Variants in TTBK2 observed in about 807,000 individuals in gnomAD.
TTBK2 encodes tau-tubulin kinase 2.
A neutral mutation model predicts 110.8 loss-of-function variants in TTBK2; 28 were observed. The observed-to-expected ratio is 0.25, with a 90% CI of 0.19 to 0.35. TTBK2 has a LOEUF of 0.35. Among genes scored for constraint, TTBK2 ranks in the 10% least tolerant of loss-of-function variants. The probability of loss-of-function intolerance (pLI) is 1.00; values close to 1 mark genes in which losing one functional copy is unlikely to be tolerated. For synonymous variants in TTBK2, 532 were observed against 527.3 expected, an observed-to-expected ratio of 1.01 and a Z score of -0.12; for missense variants, 1,369 against 1,500.3, an observed-to-expected ratio of 0.91 and a Z score of 1.45.
intron 10 of TTBK2, among the ~76,000 whole-genome samples, chr15:42,794,138 A>C (rs907827704): frequency 7.9e-5 from 12 of 151,870 alleles, no homozygotes; most frequent in African/African-American, 2.9e-4. Flanking sequence ...AAACAAAATA[A>C]AAGACAAAAG....
At chr15:42,865,922 C>G (rs1459241596) in intron 3 of TTBK2, among the ~76,000 whole-genome samples, 9 of 152,274 alleles carry the variant, frequency 5.9e-5, no homozygotes, top group Non-Finnish European at 4.4e-5. Context: ...TCACTTCAAA[C>G]ATCAATGGTC....
intron 4 of TTBK2, among the ~76,000 whole-genome samples, chr15:42,834,404 T>C (rs1172775922): frequency 6.6e-6 from 1 of 152,184 alleles, no homozygotes; most frequent in African/African-American, 2.4e-5. Context: ...ATCTAGAATT[T>C]GGTCTCTAAA....
chr15:42,796,231 C>CT (rs1187918373), intron 9 of TTBK2, among the ~76,000 whole-genome samples: 1 of 152,148 alleles, frequency 6.6e-6, no homozygotes, highest in Non-Finnish European at 1.5e-5. Flanking sequence ...TGGTGAAACT[C>CT]TATCTCTACT....
chr15:42,916,792 A>G (rs1337914470), intron 1 of TTBK2, among the ~76,000 whole-genome samples: 2 of 152,226 alleles, frequency 1.3e-5, no homozygotes, highest in Non-Finnish European at 2.9e-5. Flanking sequence ...TCATATGGCT[A>G]GAACAAGATG....
intron 8 of TTBK2, among the ~76,000 whole-genome samples, 175 bp from the exon 9 acceptor site, chr15:42,810,914 A>T: frequency 6.6e-6 from 1 of 152,210 alleles, no homozygotes; most frequent in East Asian, 1.9e-4. Context: ...TTAAAGCGGA[A>T]AAAAACTATA....
At chr15:42,812,617 T>C (rs1466182982) in intron 7 of TTBK2, among the ~76,000 whole-genome samples, 1 of 152,048 alleles carries the variant, frequency 6.6e-6, no homozygotes, top group African/African-American at 2.4e-5. Context: ...ATTTATAAAG[T>C]ATATTAATAA....
chr15:42,846,474 G>C (rs1306308725), intron 3 of TTBK2, among the ~76,000 whole-genome samples: 2 of 152,074 alleles, frequency 1.3e-5, no homozygotes, highest in Non-Finnish European at 2.9e-5. Flanking sequence ...GAGCCACCAT[G>C]CCCAGCCTTT....
At chr15:42,808,512 G>T (rs200379810) in intron 9 of TTBK2, among the ~76,000 whole-genome samples, 3 of 143,064 alleles carry the variant, frequency 2.1e-5, no homozygotes, top group East Asian at 2.5e-4. Context: ...GAGGTTTATT[G>T]TTTTTTTTAA....
At chr15:42,843,813 T>TAA (rs1017219806) in intron 3 of TTBK2, among the ~76,000 whole-genome samples, 1 of 146,524 alleles carries the variant, frequency 6.8e-6, no homozygotes, top group Non-Finnish European at 1.5e-5. Context: ...CCCCTACTGA[T>TAA]AACATTGCTA....
chr15:42,812,599 T>C (rs547095856), intron 7 of TTBK2, among the ~76,000 whole-genome samples: 15 of 152,282 alleles, frequency 9.9e-5, no homozygotes, highest in Admixed American at 3.3e-4. Flanking sequence ...CATATGTTCA[T>C]TATTCAAATT....
intron 13 of TTBK2, among the ~76,000 whole-genome samples, chr15:42,773,030 T>G (rs1889745317): frequency 6.6e-6 from 1 of 152,122 alleles, no homozygotes. Flanking sequence ...GGTGCCAACT[T>G]GCTATCCCTG....
At chr15:42,749,511 A>G (rs541544917) in intron 14 of TTBK2, among the ~76,000 whole-genome samples, 1 of 152,350 alleles carries the variant, frequency 6.6e-6, no homozygotes, top group East Asian at 1.9e-4. Context: ...AGCAGTGTGC[A>G]CACAGCTTAC....
rs7171705 is a variant in TTBK2 at position 42,837,633 on chromosome 15, C to A, written c.291+2727G>T. On this transcript the variant is annotated intron_variant, in intron 4 of 14. Transcript: ENST00000267890. The stretch of plus-strand genomic sequence containing the variant: ...GAGATTGTGCCACTGCACTCCTGCC[C>A]GGTGACAGAGTGAGACTCTGTCTCA... Among the ~76,000 whole-genome samples the A allele has an allele frequency of 3.2e-5, 4 of 123,514 alleles. No individual in the cohort carries two copies. The East Asian group carries it at 9.8e-4, about 30-fold the overall frequency. 81.0% of individuals were successfully genotyped at this position (123,514 alleles called of 152,430 possible). A position where few individuals can be genotyped will look rare whatever the true frequency, so the allele number is the denominator to read the frequency against.
chr15:42,862,654 G>A (rs774332953), intron 3 of TTBK2, among the ~76,000 whole-genome samples: 10 of 151,974 alleles, frequency 6.6e-5, no homozygotes, highest in South Asian at 2.1e-4. Context: ...TTTGGGAGGC[G>A]GAAGCAGGCA....
chr15:42,907,446 T>C (rs939792871), intron 1 of TTBK2, among the ~76,000 whole-genome samples: 5 of 152,100 alleles, frequency 3.3e-5, no homozygotes, highest in African/African-American at 1.2e-4. Flanking sequence ...TCCAGATGAA[T>C]GGATAAAGAA....
chr15:42,850,366 T>C (rs1000019825), intron 3 of TTBK2, among the ~76,000 whole-genome samples: 2 of 152,190 alleles, frequency 1.3e-5, no homozygotes, highest in African/African-American at 2.4e-5. Flanking sequence ...GGCTGGGGTA[T>C]ACTGGAAGAA....
intron 5 of TTBK2, among the ~76,000 whole-genome samples, chr15:42,828,651 A>G (rs1352182662): frequency 6.7e-6 from 1 of 149,238 alleles, no homozygotes; most frequent in Middle Eastern, 3.2e-3. Flanking sequence ...TGAATCCAGG[A>G]GGCGGAGATT....
intron 14 of TTBK2, among the ~76,000 whole-genome samples, chr15:42,750,302 G>A (rs902724539): frequency 6.6e-6 from 1 of 151,946 alleles, no homozygotes; most frequent in Non-Finnish European, 1.5e-5. Flanking sequence ...AAAGCTACTA[G>A]ACAAAGACTT....
intron 9 of TTBK2, among the ~76,000 whole-genome samples, chr15:42,797,419 CAGAA>C (rs1332571184): frequency 6.6e-6 from 1 of 152,086 alleles, no homozygotes; most frequent in African/African-American, 2.4e-5. Context: ...CAGCAGGAGG[CAGAA>C]AGATGGAGGA....
Sources: allele counts gnomAD v4.1 joint callset (sites outside exome capture counted in the v4.1 genomes callset), GRCh38; gene constraint gnomAD v4.1.1; transcripts MANE v1.5; gene names NCBI Gene and HGNC (gene_info 2026-07-23, HGNC 2026-07-21).